The following MIER3 variants were observed in gnomAD, a reference collection of about 807,000 sequenced individuals.
The protein encoded by MIER3 is mesoderm induction early response protein 3.
MIER3 carries 9 observed loss-of-function variants against 63.2 expected under a neutral mutation model. That is an observed-to-expected ratio of 0.14 (90% CI 0.09 to 0.25). The LOEUF (loss-of-function observed/expected upper bound fraction) is 0.25. MIER3 is among the 10% of genes least tolerant of loss of function. The probability of loss-of-function intolerance (pLI) is 1.00; values close to 1 mark genes in which losing one functional copy is unlikely to be tolerated. For synonymous variants in MIER3, 205 were observed against 224.9 expected (o/e 0.91, Z 0.79); for missense variants, 512 against 666.2 (o/e 0.77, Z 2.55).
rs1749769490 is a variant in MIER3, at chr5:56,923,340, T to C, written c.1441A>G (p.Arg481Gly). 1 of 1,614,100 alleles carries C rather than the reference T, an allele frequency of 6.2e-7. No individual in the cohort carries two copies. Among genetic ancestry groups the C allele is most frequent in the African/African-American group, 1.3e-5 (1 of 74,948 alleles). The change falls in exon 13 of 13, where the codon AGA becomes GGA. Residue 481 changes from arginine to glycine, a missense_variant. Arg to Gly is a moderately radical substitution (Grantham distance 125). Around this residue, in one of 5 missense-constraint regions of MIER3, gnomAD observed 218 missense variants for 251.2 expected, o/e 0.87. Transcript: ENST00000381199. ...CSEESERPAK[R>G]LKMGIAVPES... ...GGGACGGCAATGCCCATTTTCAATC[T>C]TTTTGCTGGTCTCTCTGACTCTTCA...
In MIER3 at chr5:56,920,523, T is replaced by C. The variant is rs1413965836; in HGVS notation, c.*2605A>G. On this transcript the variant is annotated 3_prime_UTR_variant, in exon 13 of 13. Coordinates refer to ENST00000381199, the MANE Select transcript of MIER3 (RefSeq NM_001297599.2). ...TAACACTTGATAATAAAGGCATTAT[T>C]GTTTCTTCACATGATTGCAAATCCG... 1 of 152,602 alleles carries C rather than the reference T, an allele frequency of 6.6e-6. No homozygotes were observed. The highest frequency in any genetic ancestry group is 2.4e-5 in the African/African-American group (1 of 41,466). 9.5% of individuals were successfully genotyped at this position (152,602 alleles called of 1,614,324 possible).
At chr5:56,929,993 T>C (rs1750202104) in intron 9 of MIER3, among the ~76,000 whole-genome samples, 1 of 152,170 alleles carries the variant, frequency 6.6e-6, no homozygotes, top group Admixed American at 6.5e-5. Flanking sequence ...AAGCAGCTTT[T>C]CTAAGGGAGA....
chr5:56,935,441 A>G lies in MIER3; in HGVS notation c.582T>C (p.Asp194=), dbSNP rs1750409546. Residue 194 remains aspartate (D), a synonymous_variant, in exon 7 of 13, where the codon GAT becomes GAC. Coordinates refer to ENST00000381199, the MANE Select transcript of MIER3 (RefSeq NM_001297599.2). The stretch of plus-strand genomic sequence containing the variant: ...AGCTTTCCTTACCTTTCTCATTACC[A>G]TCGTACTCTCCAAGATAAGGGGGAA... ...AEIPPYLGEY[D]GNEKVYENED... is the part of the protein sequence containing the mutation. 3 of 1,591,812 alleles carry G rather than the reference A, an allele frequency of 1.9e-6. No homozygotes were observed. Among genetic ancestry groups the G allele is most frequent in the African/African-American group, 1.4e-5 (1 of 73,360 alleles).
Position 56,923,784 on chromosome 5 carries a change from C to T in MIER3, c.1102G>A (p.Val368Ile), listed in dbSNP as rs775094278. The change falls in exon 12 of 13, where the codon GTA (valine) becomes ATA (isoleucine). Residue 368 changes from valine (V) to isoleucine (I), a missense_variant. Val to Ile is a conservative substitution (Grantham distance 29). Around this residue, in one of 5 missense-constraint regions of MIER3, gnomAD observed 218 missense variants for 251.2 expected, o/e 0.87. Transcript: ENST00000381199. Reference protein sequence around the residue: ...VDETEALGGTVNASALTSNRP... With the variant: ...VDETEALGGTINASALTSNRP... ...TTAGAAGTTAAGGCTGAAGCATTTACCGTCCCACCCAAAGCTTCTGTTTCA... is the reference window on the plus strand; with the variant it reads ...TTAGAAGTTAAGGCTGAAGCATTTATCGTCCCACCCAAAGCTTCTGTTTCA... 3 of 1,614,172 alleles carry T rather than the reference C, an allele frequency of 1.9e-6. No homozygotes were observed. The highest frequency in any genetic ancestry group is 1.3e-5 in the African/African-American group (1 of 75,042).
intron 1 of MIER3, among the ~76,000 whole-genome samples, chr5:56,951,744 G>A (rs1751041071): frequency 6.6e-6 from 1 of 151,408 alleles, no homozygotes; most frequent in Admixed American, 6.6e-5. Context: ...CGGGGAAGAG[G>A]CGCGGAGGCG....
At chr5:56,926,000 A>G (rs1749958584) in intron 10 of MIER3, among the ~76,000 whole-genome samples, 1 of 152,134 alleles carries the variant, frequency 6.6e-6, no homozygotes, top group Admixed American at 6.6e-5. Flanking sequence ...TGGAGGAAGA[A>G]TGTCTTTTCC....
intron 1 of MIER3, among the ~76,000 whole-genome samples, chr5:56,951,229 TCTCAGTTCCAGGGATG>T (rs1176888576): frequency 1.3e-5 from 2 of 151,738 alleles, no homozygotes; most frequent in Non-Finnish European, 2.9e-5. Context: ...ATGCAGCTCC[TCTCAGTTCCAGGGATG>T]CTGGCTCCTT....
Position 56,920,429 on chromosome 5 carries a change from A to G in MIER3, c.*2699T>C, listed in dbSNP as rs1579824226. ...CACCATGAATTTTTGGTTTGTTCAT[A>G]AGAAAATAATGGGGCAAAGGAAAAA... On this transcript the variant is annotated 3_prime_UTR_variant, in exon 13 of 13. Coordinates refer to ENST00000381199, the MANE Select transcript of MIER3 (RefSeq NM_001297599.2). 2.0e-5 allele frequency: 3 copies of G among 152,712 alleles called. No individual in the cohort carries two copies. 9.5% of individuals were successfully genotyped at this position (152,712 alleles called of 1,614,324 possible). A position where few individuals can be genotyped will look rare whatever the true frequency, so the allele number is the denominator to read the frequency against.
intron 2 of MIER3, among the ~76,000 whole-genome samples, chr5:56,947,564 T>C (rs184307691): frequency 1.8e-4 from 28 of 152,280 alleles, no homozygotes; most frequent in Admixed American, 5.2e-4. Flanking sequence ...ACAACAAAAA[T>C]CTGCTTTATA....
chr5:56,951,969 T>G, intron 1 of MIER3, 125 bp downstream of exon 1: 10 of 758,854 alleles, frequency 1.3e-5, no homozygotes, highest in Non-Finnish European at 1.5e-5. Flanking sequence ...GACCCCCGCG[T>G]CGCCACGCCG....
chr5:56,946,704 G>T lies in MIER3; in HGVS notation c.180+222C>A, dbSNP rs192404828. On this transcript the variant is annotated intron_variant, in intron 3 of 12. Transcript: ENST00000381199. ...TTTCTCATCTGTAAAATGCCTACGT[G>T]TACCTACTTCACTGTGTTGATATAA... Among the ~76,000 whole-genome samples, 92 of 151,814 alleles carry T rather than the reference G, an allele frequency of 6.1e-4. 1 individual carries two copies. Among genetic ancestry groups the T allele is most frequent in the Middle Eastern group, 6.8e-3 (2 of 292 alleles).
intron 10 of MIER3, among the ~76,000 whole-genome samples, chr5:56,924,361 T>A (rs901918694): frequency 6.6e-6 from 1 of 152,224 alleles, no homozygotes; most frequent in Non-Finnish European, 1.5e-5. Context: ...TCTTTACTTT[T>A]CTTTACTGAG....
At chr5:56,930,866 C>A in intron 8 of MIER3, 121 bp from the exon 9 acceptor site, 2 of 786,612 alleles carry the variant, frequency 2.5e-6, no homozygotes, top group Non-Finnish European at 2.1e-6. Context: ...TCTCTAATTT[C>A]AGGGCATTTG....
intron 4 of MIER3, chr5:56,938,372 T>C (rs1174770883): frequency 6.4e-6 from 3 of 470,972 alleles, no homozygotes; most frequent in South Asian, 4.6e-5. Context: ...AGGGATCTGT[T>C]AGCAGAGGCC....
chr5:56,923,645 A>T, intron 12 of MIER3, 46 bp downstream of exon 12: 1 of 1,613,498 alleles, frequency 6.2e-7, no homozygotes, highest in Non-Finnish European at 8.5e-7. Context: ...CAGAGGACAC[A>T]ATTTTGCAAC....
rs1318748434 is a variant in MIER3 at position 56,927,074 on chromosome 5, A to C, written c.924+1693T>G. On this transcript the variant is annotated intron_variant, in intron 10 of 12. Coordinates refer to ENST00000381199, the MANE Select transcript of MIER3 (RefSeq NM_001297599.2). ...CAATAAAAAGATCAATGGCTGCTAG[A>C]AGTTGTTAGGGAGGAGGGGGAAGGG... Among the ~76,000 whole-genome samples the C allele has an allele frequency of 2.0e-5, 3 of 152,014 alleles. 1 individual carries two copies. The South Asian group carries it at 6.2e-4, about 32-fold the overall frequency.
intron 4 of MIER3, among the ~76,000 whole-genome samples, chr5:56,938,631 T>C (rs1750534943): frequency 6.6e-6 from 1 of 152,280 alleles, no homozygotes; most frequent in African/African-American, 2.4e-5. Context: ...TTAGATACAA[T>C]GTGTCTACAC....
intron 2 of MIER3, among the ~76,000 whole-genome samples, chr5:56,949,460 T>C (rs1219379732): frequency 2.0e-5 from 3 of 152,212 alleles, no homozygotes; most frequent in African/African-American, 7.2e-5. Context: ...AAAAATTCCA[T>C]TAATCCAGCT....
intron 7 of MIER3, 93 bp downstream of exon 7, chr5:56,935,335 T>A: frequency 1.1e-6 from 1 of 941,392 alleles, no homozygotes. Flanking sequence ...ATCTATCTAT[T>A]GCCAAGGCTG....
Sources: allele counts gnomAD v4.1 joint callset (sites outside exome capture counted in the v4.1 genomes callset), GRCh38; gene constraint gnomAD v4.1.1; regional missense constraint gnomAD v4.1.1; transcripts MANE v1.5; gene names NCBI Gene and HGNC (gene_info 2026-07-23, HGNC 2026-07-21).